The following GLI2 variants were observed in gnomAD, a reference collection of about 807,000 sequenced individuals.
GLI2 encodes GLI family zinc finger 2, also known as transcription activator GLI2.
Under a neutral mutation model 78.9 loss-of-function variants are expected in GLI2, and 22 were observed. The observed-to-expected ratio is 0.28, with a 90% CI of 0.20 to 0.40. The LOEUF is 0.40. Among genes scored for constraint, GLI2 ranks in the 10% least tolerant of loss-of-function variants. The probability of loss-of-function intolerance (pLI) is 1.00; values close to 1 mark genes in which losing one functional copy is unlikely to be tolerated. For missense variants in GLI2, 2,097 were observed against 2,213.2 expected, an observed-to-expected ratio of 0.95 and a Z score of 1.05; for synonymous variants, 974 against 963.7, an observed-to-expected ratio of 1.01 and a Z score of -0.20.
chr2:120,785,239 A>G (rs1345611879), intron 1 of GLI2, among the ~76,000 whole-genome samples: 2 of 152,110 alleles, frequency 1.3e-5, no homozygotes, highest in Admixed American at 1.3e-4. Flanking sequence ...GAGAGACTGG[A>G]CCAGGCAGGA....
intron 5 of GLI2, among the ~76,000 whole-genome samples, chr2:120,965,612 A>G (rs1809029): frequency 0.84 from 14,897 of 17,630 alleles, 6,564 homozygotes; most frequent in East Asian, 0.97. Context: ...CTGCGGCAGA[A>G]GGGCACACTC....
chr2:120,905,573 G>C (rs866700003), intron 2 of GLI2, among the ~76,000 whole-genome samples: 1 of 152,330 alleles, frequency 6.6e-6, no homozygotes, highest in East Asian at 1.9e-4. Context: ...CTCAGAGCCT[G>C]GGATGAGTTC....
intron 3 of GLI2, among the ~76,000 whole-genome samples, chr2:120,933,496 G>A (rs1680042287): frequency 6.6e-6 from 1 of 152,186 alleles, no homozygotes; most frequent in Non-Finnish European, 1.5e-5. Flanking sequence ...ACAAGGGCGA[G>A]AAGAGAAGGC....
intron 2 of GLI2, among the ~76,000 whole-genome samples, chr2:120,907,157 GA>G (rs1678574396): frequency 1.3e-5 from 2 of 152,086 alleles, no homozygotes; most frequent in African/African-American, 4.8e-5. Context: ...CTGATGCTCT[GA>G]CCACACAGGG....
intron 2 of GLI2, among the ~76,000 whole-genome samples, chr2:120,806,333 A>G (rs1174392524): frequency 6.6e-6 from 1 of 152,162 alleles, no homozygotes; most frequent in Non-Finnish European, 1.5e-5. Context: ...ATGGTCCCGA[A>G]CTGTGGACCA....
intron 2 of GLI2, among the ~76,000 whole-genome samples, chr2:120,896,787 G>C (rs895607376): frequency 2.6e-5 from 4 of 151,656 alleles, no homozygotes; most frequent in Non-Finnish European, 4.4e-5. Flanking sequence ...CCCAGCTTGG[G>C]CGTTAATCCC....
intron 4 of GLI2, 145 bp from the exon 5 acceptor site, chr2:120,955,100 G>C: frequency 1.5e-6 from 1 of 675,292 alleles, no homozygotes; most frequent in South Asian, 1.8e-5. Context: ...TGGGGCAGTG[G>C]GGGAAAATGC....
rs59277032 is a variant in GLI2 at position 120,992,007 on chromosome 2, T to TACACACACACACACACAC, written c.*1359_*1376dup. The TACACACACACACACACAC allele has an allele frequency of 2.3e-5, 3 of 130,056 alleles. No individual in the cohort carries two copies. The highest frequency in any genetic ancestry group is 3.3e-5 in the Non-Finnish European group (2 of 61,518). 8.1% of individuals were successfully genotyped at this position (130,056 alleles called of 1,614,324 possible). A position where few individuals can be genotyped will look rare whatever the true frequency, so the allele number is the denominator to read the frequency against. ...GTGAATTGGTGCATCTTCCCCACCATACACACACACACACACACACACACA... is the reference window on the plus strand; with the variant it reads ...GTGAATTGGTGCATCTTCCCCACCATACACACACACACACACACACACACACACACACACACACACACA... On this transcript the variant is annotated 3_prime_UTR_variant, in exon 14 of 14. Transcript: ENST00000361492.
At chr2:120,855,973 G>A (rs1229621726) in intron 2 of GLI2, among the ~76,000 whole-genome samples, 1 of 152,182 alleles carries the variant, frequency 6.6e-6, no homozygotes, top group African/African-American at 2.4e-5. Context: ...TTTGTGCAGC[G>A]CCTACTTGGA....
chr2:120,946,461 A>G (rs868477842), intron 3 of GLI2, among the ~76,000 whole-genome samples: 8 of 152,138 alleles, frequency 5.3e-5, no homozygotes, highest in Middle Eastern at 3.2e-3. Flanking sequence ...GACTGTGACC[A>G]TCTTTTAAAT....
At chr2:120,786,812 C>G (rs1684010992) in intron 1 of GLI2, among the ~76,000 whole-genome samples, 1 of 152,202 alleles carries the variant, frequency 6.6e-6, no homozygotes, top group Non-Finnish European at 1.5e-5. Flanking sequence ...TAGCCTGATG[C>G]CTTCTCCAAC....
intron 2 of GLI2, among the ~76,000 whole-genome samples, chr2:120,842,521 T>G (rs1393322199): frequency 6.6e-6 from 1 of 152,236 alleles, no homozygotes; most frequent in Non-Finnish European, 1.5e-5. Context: ...TCCGCTATTT[T>G]CAAACAATGC....
At chr2:120,966,240 C>T (rs1450581239) in intron 5 of GLI2, among the ~76,000 whole-genome samples, 1 of 152,206 alleles carries the variant, frequency 6.6e-6, no homozygotes, top group Non-Finnish European at 1.5e-5. Flanking sequence ...CCCACTGGGT[C>T]ACAGCAACCC....
intron 2 of GLI2, among the ~76,000 whole-genome samples, chr2:120,883,942 G>C (rs1444644235): frequency 6.6e-6 from 1 of 152,226 alleles, no homozygotes; most frequent in Non-Finnish European, 1.5e-5. Context: ...CAGCAGATGA[G>C]TGTGTGGAGG....
intron 2 of GLI2, among the ~76,000 whole-genome samples, chr2:120,925,792 G>T (rs1679631348): frequency 6.6e-6 from 1 of 152,208 alleles, no homozygotes; most frequent in South Asian, 2.1e-4. Context: ...GTTTAAATGG[G>T]CCGGGCGTGG....
intron 2 of GLI2, among the ~76,000 whole-genome samples, chr2:120,881,699 AG>A (rs1677146371): frequency 2.5e-5 from 1 of 39,570 alleles, no homozygotes; most frequent in Non-Finnish European, 5.0e-5. Context: ...GATAGTCGGG[AG>A]GACAGTGGGG....
intron 2 of GLI2, among the ~76,000 whole-genome samples, chr2:120,910,958 C>T (rs919090388): frequency 6.6e-6 from 1 of 152,216 alleles, no homozygotes; most frequent in East Asian, 1.9e-4. Flanking sequence ...TGCTCCACCT[C>T]CTTACCAGGG....
At chr2:120,774,572 T>C (rs1400014110) in intron 1 of GLI2, among the ~76,000 whole-genome samples, 1 of 152,220 alleles carries the variant, frequency 6.6e-6, no homozygotes, top group African/African-American at 2.4e-5. Flanking sequence ...GGAAAATTGG[T>C]AACCCGTGGC....
chr2:120,780,756 ACTCTGG>A (rs1558792564), intron 1 of GLI2, among the ~76,000 whole-genome samples: 2 of 151,920 alleles, frequency 1.3e-5, no homozygotes, highest in Admixed American at 6.5e-5. Context: ...CCAGCCTGGA[ACTCTGG>A]AGCTTGCCAG....
Sources: gnomAD v4.1 joint callset for allele counts (sites outside exome capture counted in the v4.1 genomes callset) on GRCh38, gnomAD v4.1.1 for gene constraint, MANE v1.5 for transcripts, NCBI Gene and HGNC (gene_info 2026-07-23, HGNC 2026-07-21) for gene names.